Variants in PLEKHG5 observed in about 807,000 individuals in gnomAD.
PLEKHG5 encodes the protein pleckstrin homology and RhoGEF domain containing G5.
In PLEKHG5, 52 loss-of-function variants were observed where a neutral mutation model predicts 103.8. The observed-to-expected ratio is 0.50, with a 90% CI of 0.40 to 0.63. PLEKHG5 has a LOEUF of 0.63. PLEKHG5 is among the 30% of genes least tolerant of loss of function. The pLI is 0.00. For missense variants in PLEKHG5, 1,205 were observed against 1,347.6 expected (o/e 0.89, Z 1.66); for synonymous variants, 592 against 575.5 (o/e 1.03, Z -0.41).
intron 1 of PLEKHG5, among the ~76,000 whole-genome samples, chr1:6,480,735 A>G (rs1041474083): frequency 2.5e-4 from 37 of 150,836 alleles, no homozygotes; most frequent in African/African-American, 8.8e-4. Context: ...TGCAACCTCT[A>G]CCTCCTGGGT....
At chr1:6,519,445 C>G in exon 1 of PLEKHG5, 1 of 1,609,816 alleles carries the variant, frequency 6.2e-7, no homozygotes, top group Non-Finnish European at 8.5e-7. Context: ...ACATACTCAC[C>G]GGTTCCTGAA....
chr1:6,516,786 TTATATATATGTG>T (rs1238249350), intron 1 of PLEKHG5, among the ~76,000 whole-genome samples: 1,447 of 85,250 alleles, frequency 0.017, 24 homozygotes, highest in African/African-American at 0.049. Flanking sequence ...TGTGTGTGTG[TTATATATATGTG>T]TATATATATG....
intron 1 of PLEKHG5, among the ~76,000 whole-genome samples, chr1:6,503,113 A>T (rs1179241823): frequency 6.6e-6 from 1 of 152,198 alleles, no homozygotes; most frequent in African/African-American, 2.4e-5. Context: ...CCAGGAGCCT[A>T]GTTTTAAAGA....
chr1:6,471,711 C>G, intron 11 of PLEKHG5, 47 bp downstream of exon 11: 1 of 1,593,480 alleles, frequency 6.3e-7, no homozygotes, highest in Non-Finnish European at 8.5e-7. Context: ...AGGTCCCGCC[C>G]TCCTTCCTGG....
chr1:6,471,262 A>G, intron 12 of PLEKHG5, 162 bp from the exon 13 acceptor site: 1 of 789,228 alleles, frequency 1.3e-6, no homozygotes, highest in Admixed American at 2.1e-5. Flanking sequence ...ACTGAGCCTC[A>G]GCCAAAGTGA....
chr1:6,508,392 C>G (rs921678680), intron 1 of PLEKHG5, among the ~76,000 whole-genome samples: 4 of 152,212 alleles, frequency 2.6e-5, no homozygotes, highest in African/African-American at 9.6e-5. Flanking sequence ...CCCGGCTGTC[C>G]TCCTCTGTCT....
At position 6,470,974 on chromosome 1, in the gene PLEKHG5, G is replaced by T. The variant is rs1484842718; in HGVS notation, c.1392+16C>A. On this transcript the variant is annotated intron_variant, in intron 13 of 20. Transcript: ENST00000377728. ...CCGTCCTCCTGCGCCCCCGCCCACGGCACGCGCGCCCTCACCGTGATGTAG... is the reference window on the plus strand; with the variant it reads ...CCGTCCTCCTGCGCCCCCGCCCACGTCACGCGCGCCCTCACCGTGATGTAG... 1.9e-6 allele frequency: 3 copies of T among 1,581,796 alleles called. No homozygotes were observed. Among genetic ancestry groups the T allele is most frequent in the Non-Finnish European group, 2.6e-6 (3 of 1,164,352 alleles).
At chr1:6,494,727 C>T (rs1454791428), upstream of PLEKHG5, among the ~76,000 whole-genome samples, 1 of 152,240 alleles carries the variant, frequency 6.6e-6, no homozygotes, top group Non-Finnish European at 1.5e-5. Context: ...CCCCCTCCTC[C>T]AGGATGCCCT....
chr1:6,470,122 G>C, intron 16 of PLEKHG5, 114 bp downstream of exon 16: 1 of 1,183,624 alleles, frequency 8.4e-7, no homozygotes, highest in Non-Finnish European at 1.2e-6. Context: ...CTATGACAAG[G>C]TCACTGGTTC....
chr1:6,492,810 AG>A, upstream of PLEKHG5, among the ~76,000 whole-genome samples: 1 of 151,992 alleles, frequency 6.6e-6, no homozygotes, highest in South Asian at 2.1e-4. Context: ...CATCCTGGGG[AG>A]GGGCCATTTC....
intron 6 of PLEKHG5, 106 bp from the exon 7 acceptor site, chr1:6,474,270 C>A: frequency 1.4e-6 from 2 of 1,409,630 alleles, no homozygotes; most frequent in Non-Finnish European, 9.8e-7. Flanking sequence ...GCCTGCCCTC[C>A]CCCGACAGCC....
Position 6,472,609 on chromosome 1 carries a change from C to A in PLEKHG5, c.998G>T (p.Arg333Leu). ...LIDGHEKLTRRQCHQQEAVWE... is the reference protein window; with the variant it reads ...LIDGHEKLTRLQCHQQEAVWE... ...CACCGCCTCCTGCTGGTGGCACTGC[C>A]GCCGGGTCAGCTTCTAGAGGGAGGG... Residue 333 changes from arginine (R) to leucine (L), a missense_variant, in exon 10 of 21, where the codon CGG (arginine) becomes CTG (leucine). By Grantham distance (102) the Arg-to-Leu change is moderately radical. Coordinates refer to ENST00000377728, the MANE Select transcript of PLEKHG5 (RefSeq NM_020631.6). 1 of 1,612,460 alleles carries A rather than the reference C, an allele frequency of 6.2e-7. No homozygotes were observed. Among genetic ancestry groups the A allele is most frequent in the East Asian group, 2.2e-5 (1 of 44,834 alleles).
chr1:6,482,216 C>A (rs1644921662), intron 1 of PLEKHG5, among the ~76,000 whole-genome samples: 1 of 152,226 alleles, frequency 6.6e-6, no homozygotes, highest in African/African-American at 2.4e-5. Flanking sequence ...TCAGCACTTT[C>A]CAGCACCTGA....
intron 6 of PLEKHG5, 25 bp downstream of exon 6, chr1:6,474,426 C>T (rs754019286): frequency 3.7e-6 from 6 of 1,613,324 alleles, no homozygotes; most frequent in Non-Finnish European, 5.1e-6. Flanking sequence ...CCCAGCGGCC[C>T]CATTTGGCCC....
intron 1 of PLEKHG5, chr1:6,485,986 C>CCG (rs58406886): frequency 1.3e-6 from 1 of 795,540 alleles, no homozygotes; most frequent in African/African-American, 1.9e-5. Flanking sequence ...CACCCCCCCC[C>CCG]ACCTTGGAGA....
chr1:6,474,017 A>G lies in PLEKHG5; in HGVS notation c.587T>C (p.Ile196Thr), dbSNP rs1451313768. 4 of 1,590,352 alleles carry G rather than the reference A, an allele frequency of 2.5e-6. No individual in the cohort carries two copies. The Admixed American group carries it at 6.8e-5, about 27-fold the overall frequency. Residue 196 changes from isoleucine (I) to threonine (T), a missense_variant, in exon 7 of 21, where the codon ATC (isoleucine) becomes ACC (threonine). Ile to Thr is a moderately conservative substitution (Grantham distance 89). Transcript: ENST00000377728. The stretch of plus-strand genomic sequence containing the variant: ...GACACACCCCCTCCTCCTCACCAAG[A>G]TGTCCAGGCTCTCCCGGCGGCTCTG... The part of the protein sequence containing the change: ...DAQSRRESLD[I>T]LAPGRRRKNM...
At chr1:6,483,405 C>G (rs1344561311) in intron 1 of PLEKHG5, among the ~76,000 whole-genome samples, 1 of 152,214 alleles carries the variant, frequency 6.6e-6, no homozygotes, top group Admixed American at 6.5e-5. Context: ...ATTGATCCCT[C>G]AACCCCTGCA....
rs557075715 is a variant in PLEKHG5, at chr1:6,505,307, C to T, written c.-164-8738G>A. 3.9e-5 allele frequency among the ~76,000 whole-genome samples: 6 copies of T among 152,200 alleles called. No homozygotes were observed. Among genetic ancestry groups the T allele is most frequent in the Admixed American group, 6.5e-5 (1 of 15,286 alleles). ...CCAGCCCACGATGCCGACCAGCCTA[C>T]GGTGCCGACCAGCTGAGCTGAGCGG... On this transcript the variant is annotated intron_variant, in intron 1 of 21. Coordinates refer to the PLEKHG5 transcript ENST00000377740. The surrounding 1 kb of genome is among the most constrained non-coding windows in gnomAD (Gnocchi z 4.2).
At chr1:6,498,390 CA>C (rs1432828650), upstream of PLEKHG5, among the ~76,000 whole-genome samples, 5 of 152,192 alleles carry the variant, frequency 3.3e-5, no homozygotes, top group Admixed American at 1.3e-4. Context: ...CACAGGTGAC[CA>C]GAAACTGGTG....
Sources: allele counts gnomAD v4.1 joint callset (sites outside exome capture counted in the v4.1 genomes callset), GRCh38; gene constraint gnomAD v4.1.1; non-coding constraint Gnocchi (gnomAD v3.1); transcripts MANE v1.5; gene names NCBI Gene and HGNC (gene_info 2026-07-23, HGNC 2026-07-21).